The following NLN variants were observed in gnomAD, a reference collection of about 807,000 sequenced individuals.
NLN encodes neurolysin, mitochondrial.
In NLN, 64 loss-of-function variants were observed where a neutral mutation model predicts 79.9. The observed-to-expected ratio is 0.80, with a 90% confidence interval of 0.65 to 0.99. The LOEUF is 0.99. Ranked by LOEUF, NLN falls within the 50% of genes least tolerant of loss-of-function variation. NLN has a pLI of 0.00. For synonymous variants in NLN, 267 were observed against 296.6 expected, an observed-to-expected ratio of 0.90 and a Z score of 1.02; for missense variants, 835 against 858.7, an observed-to-expected ratio of 0.97 and a Z score of 0.34.
At chr5:65,789,880 T>C (rs921454638) in intron 8 of NLN, among the ~76,000 whole-genome samples, 3 of 152,238 alleles carry the variant, frequency 2.0e-5, no homozygotes, top group Non-Finnish European at 4.4e-5. Flanking sequence ...ACCTTTGCAG[T>C]CAGTCAGATT....
chr5:65,725,856 T>A (rs1363497370), intron 1 of NLN, among the ~76,000 whole-genome samples: 1 of 152,242 alleles, frequency 6.6e-6, no homozygotes, highest in Admixed American at 6.5e-5. Flanking sequence ...CTCACGCCTG[T>A]AATCCCAGCA....
chr5:65,771,724 G>C (rs1448657685), intron 3 of NLN, among the ~76,000 whole-genome samples: 1 of 151,904 alleles, frequency 6.6e-6, no homozygotes, highest in Non-Finnish European at 1.5e-5. Flanking sequence ...TAAAATACAA[G>C]AACCAGAACC....
At chr5:65,769,000 G>C (rs147616590) in intron 3 of NLN, among the ~76,000 whole-genome samples, 2 of 152,372 alleles carry the variant, frequency 1.3e-5, no homozygotes, top group East Asian at 3.9e-4. Flanking sequence ...TCATTTGTGT[G>C]GGTTAATTTG....
chr5:65,778,639 T>C (rs1354260613), intron 4 of NLN, among the ~76,000 whole-genome samples: 1 of 152,204 alleles, frequency 6.6e-6, no homozygotes, highest in Non-Finnish European at 1.5e-5. Flanking sequence ...TTTATTTGCT[T>C]GTATAACTAG....
intron 1 of NLN, among the ~76,000 whole-genome samples, chr5:65,743,277 T>C (rs1370388894): frequency 6.6e-6 from 1 of 152,236 alleles, no homozygotes; most frequent in African/African-American, 2.4e-5. Flanking sequence ...TTTATAAACA[T>C]AGGCTTTTTG....
At chr5:65,744,865 A>G (rs565744238) in intron 1 of NLN, among the ~76,000 whole-genome samples, 1 of 150,810 alleles carries the variant, frequency 6.6e-6, no homozygotes, top group African/African-American at 2.4e-5. Flanking sequence ...AGAGAGCAAG[A>G]CTTCGTTTCA....
At chr5:65,787,486 CA>C (rs1335946593) in intron 7 of NLN, among the ~76,000 whole-genome samples, 1 of 152,032 alleles carries the variant, frequency 6.6e-6, no homozygotes, top group Non-Finnish European at 1.5e-5. Flanking sequence ...ACGTATGTAA[CA>C]AAATGTAAAA....
At chr5:65,821,239 C>G (rs1025145354) in intron 12 of NLN, among the ~76,000 whole-genome samples, 1 of 152,030 alleles carries the variant, frequency 6.6e-6, no homozygotes, top group African/African-American at 2.4e-5. Context: ...AATAAGGCAA[C>G]AAGACTGCTG....
chr5:65,777,661 A>T (rs1344417819), intron 4 of NLN, 127 bp downstream of exon 4: 1 of 637,448 alleles, frequency 1.6e-6, no homozygotes, highest in African/African-American at 1.8e-5. Flanking sequence ...TGCCAACATG[A>T]TGCTCAGAGG....
intron 3 of NLN, 127 bp from the exon 4 acceptor site, chr5:65,777,300 G>T (rs1326004419): frequency 7.3e-6 from 5 of 682,622 alleles, no homozygotes; most frequent in Non-Finnish European, 1.3e-5. Context: ...AATAGGGCCT[G>T]CCTCGTAATC....
intron 8 of NLN, 66 bp from the exon 9 acceptor site, chr5:65,792,388 G>A (rs1368429281): frequency 3.2e-6 from 3 of 931,932 alleles, no homozygotes; most frequent in Non-Finnish European, 5.2e-6. Flanking sequence ...ACTGGAAGAG[G>A]CCATGCCAGT....
chr5:65,751,841 T>TATG lies in NLN; in HGVS notation c.42-6714_42-6712dup, dbSNP rs199553770. 9.3e-3 allele frequency among the ~76,000 whole-genome samples: 1,417 copies of TATG among 152,252 alleles called. 27 individuals carry two copies. Among genetic ancestry groups the TATG allele is most frequent in the African/African-American group, 0.033 (1,358 of 41,524 alleles). On this transcript the variant is annotated intron_variant, in intron 1 of 12. Transcript: ENST00000380985. ...TCTTCCTTTGCCTAAACACTATTATTATGATGATGATGATATTATTTTGGA... is the reference window on the plus strand; with the variant it reads ...TCTTCCTTTGCCTAAACACTATTATTATGATGATGATGATGATATTATTTTGGA...
At chr5:65,822,016 A>G (rs1160177271) in intron 12 of NLN, among the ~76,000 whole-genome samples, 2 of 152,224 alleles carry the variant, frequency 1.3e-5, no homozygotes, top group East Asian at 3.8e-4. Context: ...TTATCTGTAT[A>G]TTTGGAATTA....
rs566322935 is a variant in NLN at position 65,812,001 on chromosome 5, G to T, written c.1844-254G>T. ...AACACTGAGCTATCTGGTGGGTGTG[G>T]ACAAAGCCGCTGAAACTATCCTTAG... On this transcript the variant is annotated intron_variant, in intron 11 of 12. Coordinates refer to ENST00000380985, the MANE Select transcript of NLN (RefSeq NM_020726.5). Among the ~76,000 whole-genome samples, 3 of 152,280 alleles carry T rather than the reference G, an allele frequency of 2.0e-5. No individual in the cohort carries two copies. The South Asian group carries it at 6.2e-4, about 32-fold the overall frequency.
intron 12 of NLN, among the ~76,000 whole-genome samples, chr5:65,817,232 A>G (rs1391236511): frequency 2.6e-5 from 4 of 152,228 alleles, no homozygotes; most frequent in Non-Finnish European, 5.9e-5. Context: ...TCTTCATAGT[A>G]AATAGACATC....
rs1759542806 is a variant in NLN, at chr5:65,770,440, CAG to C, written c.451-6983_451-6982del. Among the ~76,000 whole-genome samples, 5 of 152,240 alleles carry C rather than the reference CAG, an allele frequency of 3.3e-5. No individual in the cohort carries two copies. In the South Asian group the frequency reaches 1.0e-3, roughly 32 times the overall value. ...AAAGATGTTCAATTTTATTAGTAAT[CAG>C]AGAAATGCAAATGAAGACCATAATA... On this transcript the variant is annotated intron_variant, in intron 3 of 12. Coordinates refer to ENST00000380985, the MANE Select transcript of NLN (RefSeq NM_020726.5).
rs879391184 is a variant in NLN, at chr5:65,780,527, C to CT, written c.661+258dup. ...GACAGTCCAGAGGGGACTTAATAAT[C>CT]TTTTTTTTTTTTCATAATTTTTCTT... On this transcript the variant is annotated intron_variant, in intron 5 of 12. Coordinates refer to ENST00000380985, the MANE Select transcript of NLN (RefSeq NM_020726.5). 6.0e-3 allele frequency among the ~76,000 whole-genome samples: 882 copies of CT among 145,972 alleles called. 7 individuals carry two copies. The highest frequency in any genetic ancestry group is 0.018 in the African/African-American group (702 of 40,066).
chr5:65,760,692 G>T (rs1337130783), intron 2 of NLN, among the ~76,000 whole-genome samples: 1 of 152,058 alleles, frequency 6.6e-6, no homozygotes, highest in Non-Finnish European at 1.5e-5. Flanking sequence ...TTTACATTTT[G>T]TGTGGAGATG....
intron 2 of NLN, among the ~76,000 whole-genome samples, chr5:65,762,125 A>C (rs1579930611): frequency 6.6e-6 from 1 of 152,206 alleles, no homozygotes; most frequent in East Asian, 1.9e-4. Flanking sequence ...AGATTAAACC[A>C]AACTAAATTA....
Sources: allele counts gnomAD v4.1 joint callset (sites outside exome capture counted in the v4.1 genomes callset), GRCh38; gene constraint gnomAD v4.1.1; transcripts MANE v1.5; gene names NCBI Gene and HGNC (gene_info 2026-07-23, HGNC 2026-07-21).